The following AGBL4 variants were observed in gnomAD, a reference collection of about 807,000 sequenced individuals.
The protein encoded by AGBL4 is cytosolic carboxypeptidase 6.
In AGBL4, 58 loss-of-function variants were observed where a neutral mutation model predicts 66.4. The observed-to-expected ratio is 0.87, with a 90% CI of 0.71 to 1.09. AGBL4 has a LOEUF of 1.09. Among genes scored for constraint, AGBL4 ranks in the 50% least tolerant of loss-of-function variants. AGBL4 has a pLI of 0.00. For missense variants in AGBL4, 579 were observed against 631.0 expected (o/e 0.92, Z 0.88); for synonymous variants, 234 against 222.9 (o/e 1.05, Z -0.44).
At chr1:49,234,203 C>T (rs550077357) in intron 4 of AGBL4, among the ~76,000 whole-genome samples, 68 of 152,214 alleles carry the variant, frequency 4.5e-4, no homozygotes, top group African/African-American at 1.2e-3. Flanking sequence ...CAAACATAGG[C>T]AGGCACTGGG....
chr1:48,546,980 C>G (rs1644174203), intron 11 of AGBL4, among the ~76,000 whole-genome samples: 1 of 151,996 alleles, frequency 6.6e-6, no homozygotes, highest in East Asian at 1.9e-4. Flanking sequence ...GGGAAGGCCT[C>G]TCTGAGGAGG....
intron 2 of AGBL4, among the ~76,000 whole-genome samples, chr1:49,829,832 T>C (rs1645610921): frequency 6.6e-6 from 1 of 152,138 alleles, no homozygotes; most frequent in African/African-American, 2.4e-5. Flanking sequence ...GTGTTCTCAT[T>C]GTTCAACTCC....
chr1:49,983,597 C>T (rs907330490), intron 1 of AGBL4, among the ~76,000 whole-genome samples: 21 of 152,234 alleles, frequency 1.4e-4, no homozygotes, highest in Non-Finnish European at 1.8e-4. Context: ...GGCAAAGGTG[C>T]CATTGGCTAC....
chr1:48,616,630 A>C (rs1344766457), intron 9 of AGBL4, among the ~76,000 whole-genome samples: 2 of 152,178 alleles, frequency 1.3e-5, no homozygotes, highest in Non-Finnish European at 2.9e-5. Context: ...ACTTTGATAA[A>C]GGTGTGAGCA....
intron 5 of AGBL4, 100 bp downstream of exon 5, chr1:49,045,484 C>T (rs1557592845): frequency 2.2e-6 from 2 of 901,722 alleles, no homozygotes; most frequent in Non-Finnish European, 3.4e-6. Flanking sequence ...CTGGAAAGCA[C>T]CAGTATTCAT....
chr1:49,579,148 C>T (rs1306481778), intron 3 of AGBL4, among the ~76,000 whole-genome samples: 1 of 152,172 alleles, frequency 6.6e-6, no homozygotes, highest in Non-Finnish European at 1.5e-5. Context: ...CCTTGCTGCT[C>T]AAGCGTGCAG....
At chr1:49,413,076 G>C (rs772130397) in intron 3 of AGBL4, among the ~76,000 whole-genome samples, 1 of 152,152 alleles carries the variant, frequency 6.6e-6, no homozygotes, top group African/African-American at 2.4e-5. Flanking sequence ...TGGAAATTTC[G>C]GAAGTAAAAG....
At chr1:48,881,260 A>T (rs934981943) in intron 5 of AGBL4, among the ~76,000 whole-genome samples, 2 of 152,022 alleles carry the variant, frequency 1.3e-5, no homozygotes, top group Admixed American at 6.6e-5. Flanking sequence ...TACAACTGAA[A>T]TTTTTTTTGT....
chr1:49,232,790 A>G, intron 4 of AGBL4, among the ~76,000 whole-genome samples: 1 of 151,936 alleles, frequency 6.6e-6, no homozygotes, highest in Non-Finnish European at 1.5e-5. Flanking sequence ...TAAATTTAAA[A>G]TTATGAAAGC....
intron 8 of AGBL4, among the ~76,000 whole-genome samples, chr1:48,639,467 C>T (rs1015925728): frequency 2.0e-5 from 3 of 152,216 alleles, no homozygotes; most frequent in African/African-American, 7.2e-5. Context: ...CTATACTTCA[C>T]TCACAGAGAT....
At chr1:48,826,897 GC>G (rs1646438160) in intron 6 of AGBL4, among the ~76,000 whole-genome samples, 1 of 151,968 alleles carries the variant, frequency 6.6e-6, no homozygotes, top group African/African-American at 2.4e-5. Context: ...TTATCCCCAT[GC>G]CCCGGAGTCT....
chr1:49,058,659 C>A (rs571229548), intron 4 of AGBL4, among the ~76,000 whole-genome samples: 2 of 152,292 alleles, frequency 1.3e-5, no homozygotes, highest in Admixed American at 6.5e-5. Context: ...GAGGTTGGAA[C>A]AGTGTGGAGG....
intron 4 of AGBL4, among the ~76,000 whole-genome samples, chr1:49,239,035 T>C (rs1441530668): frequency 6.6e-6 from 1 of 152,194 alleles, no homozygotes; most frequent in African/African-American, 2.4e-5. Context: ...GTATGTCTAC[T>C]CCATCATGTC....
At chr1:49,794,111 C>T (rs1031887044) in intron 2 of AGBL4, among the ~76,000 whole-genome samples, 18 of 151,818 alleles carry the variant, frequency 1.2e-4, no homozygotes, top group Admixed American at 4.6e-4. Context: ...AAGTGAGAAT[C>T]AAAAGAGTGA....
chr1:49,531,178 T>C (rs1651114220), intron 3 of AGBL4, among the ~76,000 whole-genome samples: 1 of 152,116 alleles, frequency 6.6e-6, no homozygotes, highest in African/African-American at 2.4e-5. Flanking sequence ...AAAAGAACCC[T>C]AGCATCAGTC....
At chr1:49,561,814 T>C (rs1382471665) in intron 3 of AGBL4, among the ~76,000 whole-genome samples, 3 of 152,126 alleles carry the variant, frequency 2.0e-5, no homozygotes, top group African/African-American at 7.2e-5. Context: ...ATCCTTTGGA[T>C]ATATACCCAG....
At chr1:49,403,224 A>G (rs1420493694) in intron 3 of AGBL4, among the ~76,000 whole-genome samples, 1 of 152,204 alleles carries the variant, frequency 6.6e-6, no homozygotes, top group African/African-American at 2.4e-5. Context: ...TTCCTTTATC[A>G]TAATATAATG....
intron 5 of AGBL4, among the ~76,000 whole-genome samples, chr1:48,894,913 G>C (rs1227221733): frequency 6.6e-6 from 1 of 152,206 alleles, no homozygotes; most frequent in Non-Finnish European, 1.5e-5. Context: ...TCTTTAGTTT[G>C]AATTTATGCT....
At chr1:49,977,800 T>C (rs1351103226) in intron 1 of AGBL4, among the ~76,000 whole-genome samples, 5 of 152,234 alleles carry the variant, frequency 3.3e-5, no homozygotes, top group Admixed American at 3.3e-4. Context: ...GGATATTCCT[T>C]TTTTCTTCAA....
Sources: gnomAD v4.1 joint callset for allele counts (sites outside exome capture counted in the v4.1 genomes callset) on GRCh38, gnomAD v4.1.1 for gene constraint, MANE v1.5 for transcripts, NCBI Gene and HGNC (gene_info 2026-07-23, HGNC 2026-07-21) for gene names.